The following AMN1 variants were observed in gnomAD, a reference collection of about 807,000 sequenced individuals.
AMN1 encodes the protein antagonist of mitotic exit network 1 homolog.
A neutral mutation model predicts 33.0 loss-of-function variants in AMN1; 20 were observed. That is an observed-to-expected ratio of 0.61 (90% CI 0.43 to 0.88). The LOEUF (loss-of-function observed/expected upper bound fraction) is 0.88, where lower values mean the gene tolerates loss of function less well. Among genes scored for constraint, AMN1 ranks in the 40% least tolerant of loss-of-function variants. The probability of loss-of-function intolerance (pLI) is 0.00; values close to 1 mark genes in which losing one functional copy is unlikely to be tolerated. For synonymous variants in AMN1, 114 were observed against 111.9 expected (o/e 1.02, Z -0.12); for missense variants, 246 against 307.4 (o/e 0.80, Z 1.49).
rs142019238 is a variant in AMN1 at position 31,677,951 on chromosome 12, C to T, written c.704-5574G>A. Reference sequence around the variant, plus strand: ...TAAGGCCCTCATTCCAGAGTGGCCCCGCCCTATACCCTGGAAAAAGGAAGG... The same window carrying T: ...TAAGGCCCTCATTCCAGAGTGGCCCTGCCCTATACCCTGGAAAAAGGAAGG... On this transcript the variant is annotated intron_variant, in intron 6 of 6. Coordinates refer to ENST00000281471, the MANE Select transcript of AMN1 (RefSeq NM_001113402.2). 1.6e-4 allele frequency among the ~76,000 whole-genome samples: 25 copies of T among 152,250 alleles called. No homozygotes were observed. The East Asian group carries it at 2.5e-3, about 15-fold the overall frequency.
At chr12:31,689,191 A>C (rs1938397861) in intron 5 of AMN1, 73 bp from the exon 6 acceptor site, 1 of 1,025,196 alleles carries the variant, frequency 9.8e-7, no homozygotes, top group Non-Finnish European at 1.4e-6. Flanking sequence ...AATTTTGAGA[A>C]ACATTCTGAT....
chr12:31,685,169 C>T (rs945453413), intron 6 of AMN1, among the ~76,000 whole-genome samples: 6 of 151,840 alleles, frequency 4.0e-5, no homozygotes, highest in Admixed American at 6.6e-5. Context: ...GCTGGGATTA[C>T]AGGCACCCAG....
Position 31,697,767 on chromosome 12 carries a change from C to T in AMN1, c.507G>A (p.Leu169=), listed in dbSNP as rs1385284621. 1.9e-6 allele frequency: 3 copies of T among 1,613,904 alleles called. No homozygotes were observed. In the Admixed American group the frequency reaches 5.0e-5, roughly 27 times the overall value. The part of the protein sequence containing the change: ...LHALGKNCPF[L]QCVDFSATQV... The stretch of plus-strand genomic sequence containing the variant: ...GAGTAGCTGAAAAGTCGACACACTG[C>T]AAAAATGGGCAGTTTTTTCCTAATG... Residue 169 remains leucine, a synonymous_variant, in exon 4 of 7, where the codon TTG becomes TTA. Transcript: ENST00000281471.
chr12:31,716,575 A>C (rs1939683879), intron 1 of AMN1, among the ~76,000 whole-genome samples: 1 of 152,186 alleles, frequency 6.6e-6, no homozygotes, highest in Admixed American at 6.5e-5. Flanking sequence ...ATGTGGCATT[A>C]AATTGCAATC....
chr12:31,709,175 A>T, intron 2 of AMN1, 118 bp downstream of exon 2: 14 of 1,156,618 alleles, frequency 1.2e-5, no homozygotes, highest in Admixed American at 2.3e-5. Context: ...ACCCTGTATA[A>T]AAAAAAAAAA....
At chr12:31,727,454 T>C (rs1940119467) in intron 1 of AMN1, among the ~76,000 whole-genome samples, 1 of 152,240 alleles carries the variant, frequency 6.6e-6, no homozygotes, top group African/African-American at 2.4e-5. Flanking sequence ...GACCTGGCTT[T>C]ATGTCTCACT....
intron 1 of AMN1, among the ~76,000 whole-genome samples, chr12:31,719,861 A>C (rs1274165232): frequency 2.6e-5 from 4 of 152,234 alleles, no homozygotes; most frequent in African/African-American, 4.8e-5. Flanking sequence ...ATTACCATCC[A>C]CAGTAAATAG....
At position 31,695,335 on chromosome 12, in the gene AMN1, A is replaced by AT. The variant is rs146757167; in HGVS notation, c.591+2025dup. Among the ~76,000 whole-genome samples, 921 of 152,332 alleles carry AT rather than the reference A, an allele frequency of 6.0e-3. 14 individuals carry two copies. Among genetic ancestry groups the AT allele is most frequent in the African/African-American group, 0.021 (874 of 41,572 alleles). ...GTAAGCATTACATAACCTAGTGAATATAAGGCAGTTAGTATACAGCCTGGC... is the reference window on the plus strand; with the variant it reads ...GTAAGCATTACATAACCTAGTGAATATTAAGGCAGTTAGTATACAGCCTGGC... On this transcript the variant is annotated intron_variant, in intron 5 of 6. Transcript: ENST00000281471.
At chr12:31,710,587 T>C (rs1161607815) in intron 1 of AMN1, among the ~76,000 whole-genome samples, 3 of 124,982 alleles carry the variant, frequency 2.4e-5, no homozygotes, top group African/African-American at 5.6e-5. Flanking sequence ...CACACACACA[T>C]TTAAAGGCTT....
intron 2 of AMN1, among the ~76,000 whole-genome samples, chr12:31,702,567 ATTT>A (rs1009546100): frequency 6.6e-6 from 1 of 151,102 alleles, no homozygotes; most frequent in Non-Finnish European, 1.5e-5. Flanking sequence ...TCTGTTCTTT[ATTT>A]TTTTTCCAAA....
chr12:31,674,013 C>CTT (rs58813002), intron 6 of AMN1, among the ~76,000 whole-genome samples: 1 of 144,330 alleles, frequency 6.9e-6, no homozygotes, highest in Non-Finnish European at 1.5e-5. Context: ...AAAGTCTTAT[C>CTT]TTTTTTTTTT....
Position 31,677,138 on chromosome 12 carries a change from A to G in AMN1, c.704-4761T>C, listed in dbSNP as rs983532031. Reference sequence around the variant, plus strand: ...ATGGTGAAACCCCGCCTCTACTAAAAAATACAAAAAAATTAGCTGGGCGTA... The same window carrying G: ...ATGGTGAAACCCCGCCTCTACTAAAGAATACAAAAAAATTAGCTGGGCGTA... On this transcript the variant is annotated intron_variant, in intron 6 of 6. Coordinates refer to ENST00000281471, the MANE Select transcript of AMN1 (RefSeq NM_001113402.2). Among the ~76,000 whole-genome samples, 3 of 152,070 alleles carry G rather than the reference A, an allele frequency of 2.0e-5. No individual in the cohort carries two copies. The East Asian group carries it at 5.8e-4, about 29-fold the overall frequency.
chr12:31,704,785 T>C (rs1231480787), intron 2 of AMN1, among the ~76,000 whole-genome samples: 4 of 152,172 alleles, frequency 2.6e-5, no homozygotes, highest in Non-Finnish European at 5.9e-5. Context: ...TTTTTCTATC[T>C]CATTCACCCT....
At chr12:31,723,856 T>C (rs1339326223) in intron 1 of AMN1, among the ~76,000 whole-genome samples, 1 of 152,192 alleles carries the variant, frequency 6.6e-6, no homozygotes, top group Non-Finnish European at 1.5e-5. Flanking sequence ...TACCACTTGG[T>C]TGAGGATACT....
intron 1 of AMN1, among the ~76,000 whole-genome samples, chr12:31,710,361 C>A (rs1939417690): frequency 6.6e-6 from 1 of 151,998 alleles, no homozygotes; most frequent in Non-Finnish European, 1.5e-5. Flanking sequence ...TACAAATATC[C>A]CCATATATAC....
intron 6 of AMN1, among the ~76,000 whole-genome samples, chr12:31,682,382 C>T (rs916108807): frequency 6.6e-6 from 1 of 152,084 alleles, no homozygotes; most frequent in South Asian, 2.1e-4. Context: ...TCCCTCACAG[C>T]ATGAGACCTT....
At chr12:31,711,512 G>C (rs1308532076) in intron 1 of AMN1, among the ~76,000 whole-genome samples, 1 of 152,168 alleles carries the variant, frequency 6.6e-6, no homozygotes, top group African/African-American at 2.4e-5. Flanking sequence ...CCTTGCATGA[G>C]CTTGCTGGCT....
chr12:31,729,135 AC>A, upstream of AMN1: 1 of 1,111,204 alleles, frequency 9.0e-7, no homozygotes, highest in Non-Finnish European at 1.3e-6. Flanking sequence ...TTTTCCGGTG[AC>A]CGGGGCGTGG....
At chr12:31,711,786 C>T (rs1211387616) in intron 1 of AMN1, among the ~76,000 whole-genome samples, 2 of 151,988 alleles carry the variant, frequency 1.3e-5, no homozygotes, top group African/African-American at 4.8e-5. Context: ...CTATAGTCAC[C>T]CTACCCATCT....
Sources: gnomAD v4.1 joint callset for allele counts (sites outside exome capture counted in the v4.1 genomes callset) on GRCh38, gnomAD v4.1.1 for gene constraint, MANE v1.5 for transcripts, NCBI Gene and HGNC (gene_info 2026-07-23, HGNC 2026-07-21) for gene names.